ZNF726: variants seen among roughly 807,000 people sequenced by gnomAD.
ZNF726 encodes zinc finger protein 726, also known as zinc finger protein 92 pseudogene 3.
A neutral mutation model predicts 11.6 loss-of-function variants in ZNF726; 15 were observed. That is an observed-to-expected ratio of 1.29 (90% CI 0.86 to 1.99). The LOEUF (loss-of-function observed/expected upper bound fraction) is 1.99, where lower values mean the gene tolerates loss of function less well. Ranked by LOEUF, ZNF726 falls within the 30% of genes most tolerant of loss-of-function variation. The pLI is 0.00. For synonymous variants in ZNF726, 295 were observed against 243.6 expected (o/e 1.21, Z -1.96); for missense variants, 890 against 725.6 (o/e 1.23, Z -2.60).
downstream of ZNF726, among the ~76,000 whole-genome samples, chr19:23,936,545 G>T (rs901372639): frequency 2.6e-5 from 4 of 151,898 alleles, no homozygotes; most frequent in Non-Finnish European, 4.4e-5. Flanking sequence ...TTTTTATTAG[G>T]TAGGCCTTTA....
chr19:23,928,270 A>G (rs924081296), intron 3 of ZNF726: 3 of 152,336 alleles, frequency 2.0e-5, no homozygotes, highest in Non-Finnish European at 2.9e-5. Context: ...TTATTTCTTT[A>G]TAAGTTATCC....
intron 3 of ZNF726, among the ~76,000 whole-genome samples, chr19:23,922,893 T>G (rs987401510): frequency 1.6e-4 from 24 of 150,160 alleles, no homozygotes; most frequent in African/African-American, 5.5e-4. Context: ...CAAATTTTCT[T>G]GCTGTCAGGG....
At chr19:23,919,656 C>T in intron 2 of ZNF726, 157 bp downstream of exon 2, 1 of 967,186 alleles carries the variant, frequency 1.0e-6, no homozygotes, top group South Asian at 1.9e-5. Flanking sequence ...GATGTTTCAT[C>T]CTGACCTGAA....
Position 23,932,971 on chromosome 19 carries a change from C to T in ZNF726, c.855C>T (p.Cys285=). The T allele has an allele frequency of 6.2e-7, 1 of 1,612,262 alleles. No homozygotes were observed. Among genetic ancestry groups the T allele is most frequent in the African/African-American group, 1.3e-5 (1 of 75,024 alleles). Reference sequence around the variant, plus strand: ...GGATACATACTGGAGAGAAACCCTGCAAATGTGAAGAATGTGGCAAAGCAT... The same window carrying T: ...GGATACATACTGGAGAGAAACCCTGTAAATGTGAAGAATGTGGCAAAGCAT... ...HKRIHTGEKP[C]KCEECGKAFS... The change falls in exon 4 of 4, where the codon TGC becomes TGT. Residue 285 remains cysteine (C), a synonymous_variant. Coordinates refer to ENST00000594466, the MANE Select transcript of ZNF726 (RefSeq NM_001244038.2).
chr19:23,921,708 T>C (rs1250982103), intron 3 of ZNF726, among the ~76,000 whole-genome samples: 2 of 152,182 alleles, frequency 1.3e-5, no homozygotes, highest in Non-Finnish European at 2.9e-5. Context: ...TGATAACTTA[T>C]AATTGTATGT....
chr19:23,926,266 G>A (rs1967984576), intron 3 of ZNF726, among the ~76,000 whole-genome samples: 1 of 152,036 alleles, frequency 6.6e-6, no homozygotes, highest in Admixed American at 6.6e-5. Flanking sequence ...AGATTAAGAA[G>A]TTATCCGGTC....
chr19:23,935,139 C>G, downstream of ZNF726: 1 of 372,262 alleles, frequency 2.7e-6, no homozygotes, highest in Admixed American at 3.2e-5. Context: ...TAACCCCACG[C>G]AAATCTCGTC....
chr19:23,923,587 T>G, intron 3 of ZNF726: 1 of 185,264 alleles, frequency 5.4e-6, no homozygotes, highest in South Asian at 8.4e-5. Flanking sequence ...ATTTTTTGTA[T>G]TTTTAGTAGA....
intron 3 of ZNF726, chr19:23,928,459 A>T (rs188325214): frequency 5.5e-4 from 83 of 152,240 alleles, no homozygotes; most frequent in African/African-American, 1.8e-3. Flanking sequence ...TATTTACTTT[A>T]TATATTTTGG....
At chr19:23,936,849 G>C (rs1352145811), downstream of ZNF726, among the ~76,000 whole-genome samples, 2 of 151,958 alleles carry the variant, frequency 1.3e-5, no homozygotes, top group Non-Finnish European at 2.9e-5. Context: ...AGTCTCCCAT[G>C]TCTACCTCTT....
intron 4 of ZNF726, chr19:23,944,456 G>A (rs1968387395): frequency 6.5e-6 from 1 of 152,734 alleles, no homozygotes; most frequent in Non-Finnish European, 1.5e-5. Context: ...CTATTTGCAT[G>A]TCTTTATTGA....
chr19:23,919,320 A>G (rs1021784311), intron 1 of ZNF726, 53 bp from the exon 2 acceptor site: 77 of 1,583,426 alleles, frequency 4.9e-5, no homozygotes, highest in Non-Finnish European at 6.2e-5. Flanking sequence ...GTCAAATGAA[A>G]AATTCTGCCC....
At position 23,933,308 on chromosome 19, in the gene ZNF726, A is replaced by G. The variant is rs763351790; in HGVS notation, c.1192A>G (p.Lys398Glu). The G allele has an allele frequency of 1.9e-6, 3 of 1,613,644 alleles. No individual in the cohort carries two copies. Among genetic ancestry groups the G allele is most frequent in the Non-Finnish European group, 2.5e-6 (3 of 1,180,002 alleles). Residue 398 changes from lysine to glutamate, a missense_variant, in exon 4 of 4, where the codon AAA (lysine) becomes GAA (glutamate). Coordinates refer to ENST00000594466, the MANE Select transcript of ZNF726 (RefSeq NM_001244038.2). ...GATTCACACTGGAGAGAAACCCTAC[A>G]AATGTGAAGAATGTGGCAAAGCTTT... ...KRIHTGEKPY[K>E]CEECGKAFHR...
Position 23,933,985 on chromosome 19 carries a change from G to A in ZNF726, c.*18G>A, listed in dbSNP as rs1968181874. The A allele has an allele frequency of 6.4e-7, 1 of 1,563,992 alleles. No homozygotes were observed. The highest frequency in any genetic ancestry group is 8.7e-7 in the Non-Finnish European group (1 of 1,152,570). On this transcript the variant is annotated 3_prime_UTR_variant, in exon 4 of 4. Transcript: ENST00000594466. ...ATACTTGAGAGAAACCTTAAAAAGGGTAAAGAATGTGGCAAAGCATTTATA... is the reference window on the plus strand; with the variant it reads ...ATACTTGAGAGAAACCTTAAAAAGGATAAAGAATGTGGCAAAGCATTTATA...
At chr19:23,943,558 G>A (rs1479502365) in exon 4 of ZNF726, 2 of 674,446 alleles carry the variant, frequency 3.0e-6, no homozygotes, top group Non-Finnish European at 5.5e-6. Flanking sequence ...CCTGGAATGT[G>A]AAGAGACATG....
At chr19:23,923,518 T>A (rs28730551) in intron 3 of ZNF726, 61,155 of 266,400 alleles carry the variant, frequency 0.23, 7,537 homozygotes, top group African/African-American at 0.26. Context: ...TTCAAGCCAT[T>A]CTCCTGCCTC....
At chr19:23,918,569 C>T (rs1388217726) in intron 1 of ZNF726, among the ~76,000 whole-genome samples, 4 of 152,106 alleles carry the variant, frequency 2.6e-5, no homozygotes, top group East Asian at 3.9e-4. Context: ...CTGTGTCCTG[C>T]GTGCATCAGC....
downstream of ZNF726, chr19:23,934,532 G>C (rs1199877967): frequency 2.8e-6 from 1 of 361,376 alleles, no homozygotes; most frequent in Non-Finnish European, 5.4e-6. Flanking sequence ...TGTTTATTCT[G>C]TTCACTGTTC....
downstream of ZNF726, among the ~76,000 whole-genome samples, chr19:23,937,719 C>T (rs185006415): frequency 1.8e-4 from 28 of 152,086 alleles, no homozygotes; most frequent in African/African-American, 3.9e-4. Context: ...CAGGTAGAGA[C>T]GCTCCTCACT....
Sources: allele counts gnomAD v4.1 joint callset (sites outside exome capture counted in the v4.1 genomes callset), GRCh38; gene constraint gnomAD v4.1.1; transcripts MANE v1.5; gene names NCBI Gene and HGNC (gene_info 2026-07-23, HGNC 2026-07-21).